Variants in OR1J2 observed in about 807,000 individuals in gnomAD.
The protein encoded by OR1J2 is olfactory receptor 1J2.
For synonymous variants in OR1J2, 142 were observed against 99.7 expected, an observed-to-expected ratio of 1.42 and a Z score of -2.52; for missense variants, 304 against 246.1, an observed-to-expected ratio of 1.24 and a Z score of -1.57.
chr9:122,448,833 A>G, the OR1J2 span: 4 of 152,062 alleles, frequency 2.6e-5, no homozygotes, highest in Non-Finnish European at 5.9e-5. Flanking sequence ...AGGCAAAACA[A>G]TTTTTCAGGG....
the OR1J2 span, chr9:122,527,261 GA>G: frequency 6.2e-7 from 1 of 1,611,228 alleles, no homozygotes; most frequent in South Asian, 1.1e-5. Flanking sequence ...TTCCTCGGAG[GA>G]AAAATTCAGA....
At chr9:122,527,741 T>A in the OR1J2 span, among the ~76,000 whole-genome samples, 1 of 152,194 alleles carries the variant, frequency 6.6e-6, no homozygotes, top group South Asian at 2.1e-4. Context: ...CATGCCTCTT[T>A]ATTTTTTCAT....
downstream of OR1J2, among the ~76,000 whole-genome samples, chr9:122,516,587 G>C (rs551077379): frequency 1.3e-5 from 2 of 152,304 alleles, no homozygotes; most frequent in East Asian, 3.9e-4. Flanking sequence ...ACAGGCGTGA[G>C]CCACCGCGCC....
At chr9:122,568,244 A>G in the OR1J2 span, 73 of 1,614,050 alleles carry the variant, frequency 4.5e-5, no homozygotes, top group Non-Finnish European at 5.7e-5. Flanking sequence ...TCTTGGGGAC[A>G]ACGCTTGTTG....
chr9:122,553,653 C>T, the OR1J2 span: 2 of 1,614,014 alleles, frequency 1.2e-6, no homozygotes, highest in African/African-American at 1.3e-5. Flanking sequence ...TGCACTAATG[C>T]TGGGTGTGTG....
chr9:122,552,055 ACACT>A, the OR1J2 span, among the ~76,000 whole-genome samples: 1 of 93,316 alleles, frequency 1.1e-5, no homozygotes, highest in South Asian at 3.0e-4. Context: ...ACACACACAT[ACACT>A]CTCTCTCTCT....
At chr9:122,556,505 C>A in the OR1J2 span, among the ~76,000 whole-genome samples, 1 of 151,704 alleles carries the variant, frequency 6.6e-6, no homozygotes, top group African/African-American at 2.4e-5. Context: ...TAGTGTCCAC[C>A]GGGGCCTGTT....
At chr9:122,572,060 T>C in the OR1J2 span, among the ~76,000 whole-genome samples, 1 of 152,188 alleles carries the variant, frequency 6.6e-6, no homozygotes, top group Non-Finnish European at 1.5e-5. Flanking sequence ...GCATCTTACA[T>C]GGCAGGAGCA....
chr9:122,576,369 G>A, the OR1J2 span, among the ~76,000 whole-genome samples: 22 of 150,854 alleles, frequency 1.5e-4, no homozygotes, highest in East Asian at 3.1e-3. Flanking sequence ...TTACAGGTGT[G>A]AGCCACCACG....
the OR1J2 span, among the ~76,000 whole-genome samples, chr9:122,484,225 G>A: frequency 1.9e-4 from 29 of 152,112 alleles, no homozygotes; most frequent in African/African-American, 6.7e-4. Flanking sequence ...GCGGTGGTGC[G>A]ATCTCGGCTC....
chr9:122,451,084 A>G, the OR1J2 span, among the ~76,000 whole-genome samples: 1 of 151,582 alleles, frequency 6.6e-6, no homozygotes, highest in East Asian at 1.9e-4. Context: ...ATATTTACTT[A>G]AAAATTTCTG....
the OR1J2 span, among the ~76,000 whole-genome samples, chr9:122,497,114 G>A: frequency 1.3e-5 from 2 of 152,252 alleles, no homozygotes; most frequent in African/African-American, 4.8e-5. Flanking sequence ...AACTTTCCCA[G>A]ACCACAAGCC....
At chr9:122,507,310 G>A (rs1006185888), upstream of OR1J2, among the ~76,000 whole-genome samples, 1 of 152,160 alleles carries the variant, frequency 6.6e-6, no homozygotes, top group Non-Finnish European at 1.5e-5. Context: ...AAAATACTTA[G>A]GAGGCTGGGA....
the OR1J2 span, among the ~76,000 whole-genome samples, chr9:122,478,872 T>C: frequency 0.37 from 55,801 of 150,580 alleles, 11,467 homozygotes; most frequent in East Asian, 0.57. Flanking sequence ...CTCCGCCTCC[T>C]GGGTTCAAGC....
chr9:122,546,693 A>T, the OR1J2 span, among the ~76,000 whole-genome samples: 1 of 152,258 alleles, frequency 6.6e-6, no homozygotes, highest in Admixed American at 6.5e-5. Context: ...CTTAGAATTT[A>T]GAAGAAATAA....
chr9:122,545,948 CCCT>C, the OR1J2 span, among the ~76,000 whole-genome samples: 208 of 151,864 alleles, frequency 1.4e-3, no homozygotes, highest in African/African-American at 4.9e-3. Flanking sequence ...GTGCTTCCTG[CCCT>C]CCTCCCTGTC....
At chr9:122,550,271 AC>A in the OR1J2 span, among the ~76,000 whole-genome samples, 1 of 152,166 alleles carries the variant, frequency 6.6e-6, no homozygotes, top group Non-Finnish European at 1.5e-5. Flanking sequence ...CCCAACAACA[AC>A]AACAAAAAGC....
chr9:122,493,736 T>C, the OR1J2 span, among the ~76,000 whole-genome samples: 1 of 152,102 alleles, frequency 6.6e-6, no homozygotes. Context: ...CTTCTGCTGG[T>C]TGTGGGTTTG....
chr9:122,451,334 C>T, the OR1J2 span, among the ~76,000 whole-genome samples: 19 of 151,972 alleles, frequency 1.3e-4, no homozygotes, highest in South Asian at 2.3e-3. Context: ...TACAGGCATG[C>T]GCCACCAAGC....
Sources: allele counts gnomAD v4.1 joint callset (sites outside exome capture counted in the v4.1 genomes callset), GRCh38; gene constraint gnomAD v4.1.1; transcripts MANE v1.5; gene names NCBI Gene and HGNC (gene_info 2026-07-23, HGNC 2026-07-21).